The following CDH1 variants were observed in gnomAD, a reference collection of about 807,000 sequenced individuals.
CDH1 encodes cadherin-1.
Under a neutral mutation model 84.5 loss-of-function variants are expected in CDH1, and 35 were observed. The observed-to-expected ratio is 0.41, with a 90% CI of 0.32 to 0.55. CDH1 has a LOEUF of 0.55. Among genes scored for constraint, CDH1 ranks in the 20% least tolerant of loss-of-function variants. The pLI, the probability that CDH1 is intolerant of heterozygous loss-of-function variation, is 0.19. For synonymous variants in CDH1, 417 were observed against 439.0 expected, an observed-to-expected ratio of 0.95 and a Z score of 0.63; for missense variants, 994 against 1,126.6, an observed-to-expected ratio of 0.88 and a Z score of 1.68.
intron 2 of CDH1, among the ~76,000 whole-genome samples, chr16:68,774,916 C>G (rs1219889652): frequency 1.3e-5 from 2 of 152,142 alleles, no homozygotes; most frequent in African/African-American, 4.8e-5. Flanking sequence ...AAGCCCCTCC[C>G]CATCCCCAAA....
intron 2 of CDH1, among the ~76,000 whole-genome samples, chr16:68,752,205 G>C (rs533580590): frequency 2.0e-5 from 3 of 152,270 alleles, no homozygotes; most frequent in East Asian, 1.9e-4. Context: ...ACCCGCCTTG[G>C]CCTCCCAAAG....
chr16:68,762,355 G>A (rs1253412823), intron 2 of CDH1, among the ~76,000 whole-genome samples: 1 of 152,170 alleles, frequency 6.6e-6, no homozygotes, highest in East Asian at 1.9e-4. Flanking sequence ...CCCCCACCAG[G>A]CTGGGTACTT....
chr16:68,805,805 G>A (rs1025170789), intron 3 of CDH1, among the ~76,000 whole-genome samples: 1 of 152,118 alleles, frequency 6.6e-6, no homozygotes, highest in African/African-American at 2.4e-5. Flanking sequence ...ATGTTGGCCA[G>A]GCTGGTCTTG....
intron 10 of CDH1, among the ~76,000 whole-genome samples, 166 bp from the exon 11 acceptor site, chr16:68,819,114 C>T (rs1392192056): frequency 6.6e-6 from 1 of 152,122 alleles, no homozygotes; most frequent in Non-Finnish European, 1.5e-5. Flanking sequence ...CCTCAGCCTC[C>T]CAAAGTGTTG....
At chr16:68,812,747 C>G (rs1225102356) in intron 8 of CDH1, among the ~76,000 whole-genome samples, 1 of 152,122 alleles carries the variant, frequency 6.6e-6, no homozygotes, top group East Asian at 1.9e-4. Context: ...AAGTTTAAAT[C>G]ATCCTGTATA....
intron 2 of CDH1, among the ~76,000 whole-genome samples, chr16:68,774,290 C>T (rs1409933106): frequency 6.6e-6 from 1 of 152,120 alleles, no homozygotes; most frequent in South Asian, 2.1e-4. Flanking sequence ...TTTGGGAGGC[C>T]GAGTCGGGCA....
intron 2 of CDH1, among the ~76,000 whole-genome samples, chr16:68,771,314 G>C (rs1259959730): frequency 6.6e-6 from 1 of 151,898 alleles, no homozygotes; most frequent in Non-Finnish European, 1.5e-5. Flanking sequence ...TTTAAGACAG[G>C]GTCTCACTTT....
chr16:68,743,684 C>T (rs1962647982), intron 2 of CDH1, among the ~76,000 whole-genome samples: 2 of 151,962 alleles, frequency 1.3e-5, no homozygotes, highest in Non-Finnish European at 2.9e-5. Flanking sequence ...GGTTTCTATC[C>T]TGCCTCAGCT....
intron 2 of CDH1, among the ~76,000 whole-genome samples, chr16:68,781,297 A>G (rs1290963432): frequency 6.6e-6 from 1 of 152,076 alleles, no homozygotes; most frequent in Non-Finnish European, 1.5e-5. Flanking sequence ...ACCCTCCTCC[A>G]CACACCCGCA....
At chr16:68,788,267 A>G (rs993417957) in intron 2 of CDH1, among the ~76,000 whole-genome samples, 1 of 152,204 alleles carries the variant, frequency 6.6e-6, no homozygotes, top group Non-Finnish European at 1.5e-5. Flanking sequence ...CCTAATAGCT[A>G]TATATTTCTT....
chr16:68,747,427 A>G (rs954081896), intron 2 of CDH1, among the ~76,000 whole-genome samples: 1 of 152,138 alleles, frequency 6.6e-6, no homozygotes, highest in African/African-American at 2.4e-5. Flanking sequence ...TTTCATAGGC[A>G]AATTATTCAC....
intron 2 of CDH1, among the ~76,000 whole-genome samples, chr16:68,747,361 C>T (rs965971721): frequency 1.3e-5 from 2 of 151,942 alleles, no homozygotes; most frequent in Non-Finnish European, 2.9e-5. Context: ...GCAGCTGGGC[C>T]AGGGTACCTC....
chr16:68,793,317 A>C (rs1960262495), intron 2 of CDH1, among the ~76,000 whole-genome samples: 1 of 152,184 alleles, frequency 6.6e-6, no homozygotes, highest in Non-Finnish European at 1.5e-5. Flanking sequence ...TGAGGCCTGG[A>C]ACTGGATTTC....
rs2152129854 is a variant in CDH1 at position 68,808,575 on chromosome 16, A to G, written c.531+8A>G. ...CCTAAAAACCTGGTTCAGGTAGAGA[A>G]AGAAGTTCTCTGTTTCTCTGGGAGG... is the stretch of plus-strand genomic sequence containing the variant. On this transcript the variant is annotated splice_region_variant and intron_variant, in intron 4 of 15. Coordinates refer to ENST00000261769, the MANE Select transcript of CDH1 (RefSeq NM_004360.5). 1 of 1,614,190 alleles carries G rather than the reference A, an allele frequency of 6.2e-7. No individual in the cohort carries two copies. The highest frequency in any genetic ancestry group is 1.1e-5 in the South Asian group (1 of 91,084).
At chr16:68,795,237 A>G (rs1960326249) in intron 2 of CDH1, among the ~76,000 whole-genome samples, 1 of 152,216 alleles carries the variant, frequency 6.6e-6, no homozygotes, top group Admixed American at 6.5e-5. Flanking sequence ...GTGGAGATGG[A>G]GTTAGAAACA....
At chr16:68,799,249 T>C (rs1223581741) in intron 2 of CDH1, among the ~76,000 whole-genome samples, 1 of 152,168 alleles carries the variant, frequency 6.6e-6, no homozygotes, top group African/African-American at 2.4e-5. Context: ...GCTCACCCCA[T>C]CCTTTCCTTC....
At chr16:68,773,638 ACATTTG>A (rs1454190876) in intron 2 of CDH1, among the ~76,000 whole-genome samples, 1 of 152,236 alleles carries the variant, frequency 6.6e-6, no homozygotes, top group African/African-American at 2.4e-5. Flanking sequence ...ACATTGAAAC[ACATTTG>A]CATTTTCAAA....
At chr16:68,770,733 G>C (rs1244934082) in intron 2 of CDH1, among the ~76,000 whole-genome samples, 2 of 151,296 alleles carry the variant, frequency 1.3e-5, no homozygotes, top group African/African-American at 4.9e-5. Flanking sequence ...TCCAAGCAGA[G>C]GAACAGCAAG....
chr16:68,812,104 T>A (rs141181659), intron 7 of CDH1, 31 bp from the exon 8 acceptor site: 1 of 1,613,940 alleles, frequency 6.2e-7, no homozygotes, highest in East Asian at 2.2e-5. Flanking sequence ...GTGTTCCTGG[T>A]CCTGACTTGG....
Sources: allele counts gnomAD v4.1 joint callset (sites outside exome capture counted in the v4.1 genomes callset), GRCh38; gene constraint gnomAD v4.1.1; transcripts MANE v1.5; gene names NCBI Gene and HGNC (gene_info 2026-07-23, HGNC 2026-07-21).